SYNE2: variants seen among roughly 807,000 people sequenced by gnomAD.
SYNE2 encodes nesprin-2.
SYNE2 carries 431 observed loss-of-function variants against 856.3 expected under a neutral mutation model. The observed-to-expected ratio is 0.50, with a 90% CI of 0.47 to 0.55. The LOEUF is 0.55. SYNE2 is among the 20% of genes least tolerant of loss of function. The pLI, the probability that SYNE2 is intolerant of heterozygous loss-of-function variation, is 0.00. For synonymous variants in SYNE2, 2,923 were observed against 2,872.3 expected (o/e 1.02, Z -0.56); for missense variants, 8,129 against 8,023.2 (o/e 1.01, Z -0.50).
intron 96 of SYNE2, among the ~76,000 whole-genome samples, chr14:64,177,808 T>G (rs955091255): frequency 6.6e-6 from 1 of 152,246 alleles, no homozygotes; most frequent in African/African-American, 2.4e-5. Context: ...AGCTGTTCCC[T>G]TATCAAATGT....
Position 64,223,267 on chromosome 14 carries a change from G to C in SYNE2, c.20269G>C (p.Gly6757Arg). The C allele has an allele frequency of 1.9e-6, 3 of 1,614,172 alleles. No homozygotes were observed. The highest frequency in any genetic ancestry group is 2.5e-6 in the Non-Finnish European group (3 of 1,180,032). Reference sequence around the variant, plus strand: ...GATTTCAAACAGCCTTCTCATTAAGGGACATGGAGAAGACTGTATTGAAGC... The same window carrying C: ...GATTTCAAACAGCCTTCTCATTAAGCGACATGGAGAAGACTGTATTGAAGC... The part of the protein sequence containing the change: ...QEISNSLLIK[G>R]HGEDCIEAEE... Residue 6757 changes from glycine to arginine, a missense_variant, in exon 113 of 116, where the codon GGA (glycine) becomes CGA (arginine). By Grantham distance (125) the Gly-to-Arg change is moderately radical (BLOSUM62 -2). Coordinates refer to ENST00000555002, the MANE Select transcript of SYNE2 (RefSeq NM_182914.3).
chr14:63,831,482 T>C (rs2139896695), intron 1 of SYNE2, among the ~76,000 whole-genome samples: 1 of 152,174 alleles, frequency 6.6e-6, no homozygotes, highest in South Asian at 2.1e-4. Flanking sequence ...TTCTTCTATT[T>C]TTTTCTTGAC....
intron 1 of SYNE2, among the ~76,000 whole-genome samples, chr14:63,884,015 G>A (rs549885126): frequency 6.6e-6 from 1 of 152,172 alleles, no homozygotes; most frequent in Non-Finnish European, 1.5e-5. Context: ...GCTGAGAAGC[G>A]GGCCCTTGGT....
chr14:63,897,486 A>T lies in SYNE2; in HGVS notation c.-51-11612A>T, dbSNP rs544105580. On this transcript the variant is annotated intron_variant, in intron 1 of 115. Coordinates refer to ENST00000555002, the MANE Select transcript of SYNE2 (RefSeq NM_182914.3). Reference sequence around the variant, plus strand: ...AGATTATTTCCACTTTTTTCCTTACAAACAGTTCTACCCTGATTATTCTTG... The same window carrying T: ...AGATTATTTCCACTTTTTTCCTTACTAACAGTTCTACCCTGATTATTCTTG... Among the ~76,000 whole-genome samples the T allele has an allele frequency of 3.9e-5, 6 of 152,220 alleles. No homozygotes were observed. In the East Asian group the frequency reaches 9.6e-4, roughly 24 times the overall value.
chr14:64,181,349 C>T (rs987981770), intron 96 of SYNE2, among the ~76,000 whole-genome samples: 9 of 152,158 alleles, frequency 5.9e-5, no homozygotes, highest in Non-Finnish European at 1.2e-4. Context: ...TTGGTAACAA[C>T]GGAAATAATT....
At chr14:63,858,217 G>A (rs532457298) in intron 1 of SYNE2, among the ~76,000 whole-genome samples, 1 of 138,626 alleles carries the variant, frequency 7.2e-6, no homozygotes, top group African/African-American at 2.6e-5. Context: ...CTGGGTTCTA[G>A]TGATTGTGGT....
intron 51 of SYNE2, among the ~76,000 whole-genome samples, chr14:64,067,201 A>C (rs1178302110): frequency 6.6e-6 from 1 of 152,198 alleles, no homozygotes; most frequent in Non-Finnish European, 1.5e-5. Flanking sequence ...GCACAAGCAA[A>C]AAAAAAATGC....
rs113808047 is a variant in SYNE2 at position 63,885,871 on chromosome 14, G to C, written c.-51-23227G>C. 1.2e-3 allele frequency among the ~76,000 whole-genome samples: 189 copies of C among 152,314 alleles called. 2 individuals carry two copies. Among genetic ancestry groups the C allele is most frequent in the African/African-American group, 4.3e-3 (177 of 41,554 alleles). ...TTTTCGGTTAGGTACCAGGGTCATC[G>C]AGATGAAGGACAGTAGTCCTTTCCC... On this transcript the variant is annotated intron_variant, in intron 1 of 115. Transcript: ENST00000555002.
chr14:63,880,319 T>G (rs2094829581), intron 1 of SYNE2, among the ~76,000 whole-genome samples: 1 of 152,136 alleles, frequency 6.6e-6, no homozygotes, highest in Non-Finnish European at 1.5e-5. Flanking sequence ...CTTGAACTCC[T>G]GACCTCAAAT....
At chr14:64,094,897 A>T (rs2097663884) in intron 61 of SYNE2, 1 of 167,172 alleles carries the variant, frequency 6.0e-6, no homozygotes. Context: ...TCTTTTTTTT[A>T]GAGATGAGGT....
intron 45 of SYNE2, among the ~76,000 whole-genome samples, chr14:64,034,146 T>C (rs2097065737): frequency 6.6e-6 from 1 of 152,234 alleles, no homozygotes; most frequent in South Asian, 2.1e-4. Context: ...TGTTAATGAC[T>C]GAAGCTGGAT....
intron 2 of SYNE2, among the ~76,000 whole-genome samples, chr14:63,926,321 C>T (rs1355246865): frequency 6.6e-6 from 1 of 151,650 alleles, no homozygotes; most frequent in Non-Finnish European, 1.5e-5. Context: ...TAAATGGACT[C>T]ATATAATATG....
At chr14:64,064,174 A>T (rs2097339626) in intron 50 of SYNE2, among the ~76,000 whole-genome samples, 1 of 152,234 alleles carries the variant, frequency 6.6e-6, no homozygotes, top group African/African-American at 2.4e-5. Flanking sequence ...GAAATGATAT[A>T]GCCATGGTGA....
At chr14:64,037,943 A>AC (rs1264211798) in intron 45 of SYNE2, among the ~76,000 whole-genome samples, 25 of 142,890 alleles carry the variant, frequency 1.7e-4, no homozygotes, top group Admixed American at 4.1e-4. Flanking sequence ...CGGGGGGCTG[A>AC]CCCCCCCACC....
chr14:64,194,337 G>A (rs982898503), intron 99 of SYNE2, among the ~76,000 whole-genome samples: 1 of 151,254 alleles, frequency 6.6e-6, no homozygotes, highest in Non-Finnish European at 1.5e-5. Flanking sequence ...GTATGGCCCA[G>A]GCTGGAATAC....
chr14:64,186,166 A>C (rs2098489203), intron 96 of SYNE2, among the ~76,000 whole-genome samples: 2 of 152,230 alleles, frequency 1.3e-5, no homozygotes, highest in Admixed American at 1.3e-4. Context: ...AAAATAGAAT[A>C]AATTCTATCA....
At chr14:64,030,317 G>A (rs1297376229) in intron 44 of SYNE2, among the ~76,000 whole-genome samples, 1 of 152,180 alleles carries the variant, frequency 6.6e-6, no homozygotes, top group Non-Finnish European at 1.5e-5. Context: ...TGAAAGGCCT[G>A]TATGTTACTT....
chr14:63,958,439 A>G (rs994193912), intron 8 of SYNE2, among the ~76,000 whole-genome samples: 3 of 152,078 alleles, frequency 2.0e-5, no homozygotes, highest in African/African-American at 7.2e-5. Context: ...AATTTACATT[A>G]TGTTTTTTTC....
At chr14:63,953,176 G>A (rs1480359501) in intron 7 of SYNE2, among the ~76,000 whole-genome samples, 1 of 152,206 alleles carries the variant, frequency 6.6e-6, no homozygotes, top group African/African-American at 2.4e-5. Context: ...AATTACAGTT[G>A]GCAAGCAGAT....
Sources: allele counts gnomAD v4.1 joint callset (sites outside exome capture counted in the v4.1 genomes callset), GRCh38; gene constraint gnomAD v4.1.1; transcripts MANE v1.5; gene names NCBI Gene and HGNC (gene_info 2026-07-23, HGNC 2026-07-21).